ATRNL1: variants seen among roughly 807,000 people sequenced by gnomAD.
The protein encoded by ATRNL1 is attractin-like protein 1.
In ATRNL1, 95 loss-of-function variants were observed where a neutral mutation model predicts 182.7. The observed-to-expected ratio is 0.52, with a 90% CI of 0.44 to 0.62. The LOEUF (loss-of-function observed/expected upper bound fraction) is 0.62. Among genes scored for constraint, ATRNL1 ranks in the 20% least tolerant of loss-of-function variants. The probability of loss-of-function intolerance (pLI) is 0.00; values close to 1 mark genes in which losing one functional copy is unlikely to be tolerated. For missense variants in ATRNL1, 1,471 were observed against 1,679.5 expected, an observed-to-expected ratio of 0.88 and a Z score of 2.17; for synonymous variants, 576 against 568.3, an observed-to-expected ratio of 1.01 and a Z score of -0.19.
chr10:115,776,897 C>T (rs986155607), intron 27 of ATRNL1, among the ~76,000 whole-genome samples: 4 of 152,146 alleles, frequency 2.6e-5, no homozygotes, highest in South Asian at 4.1e-4. Context: ...CGGCTCACAC[C>T]TGTAATCCCA....
chr10:115,364,190 T>C (rs1282236632), intron 19 of ATRNL1, among the ~76,000 whole-genome samples: 1 of 140,290 alleles, frequency 7.1e-6, no homozygotes, highest in Non-Finnish European at 1.6e-5. Flanking sequence ...CCTCTTTTAT[T>C]TCCTTGAGCA....
intron 28 of ATRNL1, among the ~76,000 whole-genome samples, chr10:115,936,416 G>A (rs2134607987): frequency 6.6e-6 from 1 of 152,262 alleles, no homozygotes. Flanking sequence ...AGCAGTGCCT[G>A]GCATATAGTA....
At chr10:115,698,277 T>C (rs1946624897) in intron 26 of ATRNL1, among the ~76,000 whole-genome samples, 1 of 152,124 alleles carries the variant, frequency 6.6e-6, no homozygotes, top group African/African-American at 2.4e-5. Flanking sequence ...AAAAATCAAA[T>C]TAAGTCCAAG....
chr10:115,530,474 A>G (rs1311289845), intron 25 of ATRNL1, among the ~76,000 whole-genome samples: 1 of 152,188 alleles, frequency 6.6e-6, no homozygotes, highest in Non-Finnish European at 1.5e-5. Context: ...GAAAGATTAA[A>G]GGAATCTAAA....
intron 26 of ATRNL1, among the ~76,000 whole-genome samples, chr10:115,612,243 A>G (rs1309282012): frequency 6.6e-6 from 1 of 151,350 alleles, no homozygotes; most frequent in Non-Finnish European, 1.5e-5. Context: ...CAAGAGTGAA[A>G]CTCCATCTCA....
intron 27 of ATRNL1, among the ~76,000 whole-genome samples, chr10:115,755,862 A>G (rs1488547801): frequency 6.6e-6 from 1 of 152,096 alleles, no homozygotes; most frequent in Non-Finnish European, 1.5e-5. Context: ...TTATTGGTCT[A>G]TTCAGGGATT....
Position 115,862,192 on chromosome 10 carries a change from GTC to G in ATRNL1, c.4018+14205_4018+14206del, listed in dbSNP as rs1405197468. Among the ~76,000 whole-genome samples, 4 of 152,266 alleles carry G rather than the reference GTC, an allele frequency of 2.6e-5. No individual in the cohort carries two copies. The East Asian group carries it at 7.7e-4, about 29-fold the overall frequency. ...CTGAAATTTTTCAAGCACTTTGAAA[GTC>G]TCTTTTTAAAGCATTATTTGTTATT... On this transcript the variant is annotated intron_variant, in intron 28 of 28. Transcript: ENST00000355044.
At chr10:115,516,641 T>C (rs1432838168) in intron 24 of ATRNL1, among the ~76,000 whole-genome samples, 2 of 150,212 alleles carry the variant, frequency 1.3e-5, no homozygotes, top group African/African-American at 2.5e-5. Flanking sequence ...CAACGACCTA[T>C]GTGACTTGCT....
intron 21 of ATRNL1, among the ~76,000 whole-genome samples, chr10:115,445,130 G>A (rs913081299): frequency 1.3e-5 from 2 of 151,226 alleles, no homozygotes; most frequent in Non-Finnish European, 2.9e-5. Flanking sequence ...ATTTATTTCT[G>A]CTTAAGAGCA....
intron 27 of ATRNL1, among the ~76,000 whole-genome samples, chr10:115,798,142 C>T (rs1269788251): frequency 6.6e-6 from 1 of 152,146 alleles, no homozygotes; most frequent in Admixed American, 6.5e-5. Context: ...TGGTCTCGAT[C>T]TCCTGACCTT....
At chr10:115,290,418 G>C (rs1852840905) in intron 15 of ATRNL1, among the ~76,000 whole-genome samples, 1 of 152,142 alleles carries the variant, frequency 6.6e-6, no homozygotes, top group African/African-American at 2.4e-5. Flanking sequence ...ACTTTGGGAG[G>C]CTGAGGCGAA....
intron 19 of ATRNL1, among the ~76,000 whole-genome samples, chr10:115,370,736 A>G (rs1857350668): frequency 6.6e-6 from 1 of 152,250 alleles, no homozygotes; most frequent in Non-Finnish European, 1.5e-5. Flanking sequence ...AATATGATAG[A>G]AAAGAACATC....
At chr10:115,425,604 A>C (rs782221732) in intron 20 of ATRNL1, among the ~76,000 whole-genome samples, 3 of 152,042 alleles carry the variant, frequency 2.0e-5, no homozygotes, top group Non-Finnish European at 4.4e-5. Context: ...AGAGTACATG[A>C]GTATGGATGC....
Position 115,093,368 on chromosome 10 carries a change from T to TGGCGCGG in ATRNL1, c.-381_-375dup, listed in dbSNP as rs1489566822. ...GCGCGGCGCTCGGAGCCGAGGCAGT[T>TGGCGCGG]GGCGCGGGCCGCGGGCGAGGCGGGG... On this transcript the variant is annotated 5_prime_UTR_variant, in exon 1 of 29. Transcript: ENST00000355044. This position sits in a 1 kb window ranked among gnomAD's most constrained non-coding sequence, Gnocchi z 6.1. 3 of 159,412 alleles carry TGGCGCGG rather than the reference T, an allele frequency of 1.9e-5. No individual in the cohort carries two copies. The highest frequency in any genetic ancestry group is 7.4e-5 in the African/African-American group (3 of 40,800). 9.9% of individuals were successfully genotyped at this position (159,412 alleles called of 1,614,324 possible).
chr10:115,448,598 A>G (rs1160408171), intron 21 of ATRNL1, among the ~76,000 whole-genome samples: 1 of 152,132 alleles, frequency 6.6e-6, no homozygotes, highest in Non-Finnish European at 1.5e-5. Flanking sequence ...ACAACATAAC[A>G]TCACAACTGA....
At position 115,691,384 on chromosome 10, in the gene ATRNL1, C is replaced by T. The variant is rs138411790; in HGVS notation, c.3796-35864C>T. 1.2e-3 allele frequency among the ~76,000 whole-genome samples: 183 copies of T among 152,242 alleles called. 2 individuals are homozygous for T. In the East Asian group the frequency reaches 0.026, roughly 21 times the overall value. ...CCCTGATGGGTACTAAAGTTGAGCA[C>T]CTTTTCATATACATTTTGGCCATTT... On this transcript the variant is annotated intron_variant, in intron 26 of 28. Coordinates refer to ENST00000355044, the MANE Select transcript of ATRNL1 (RefSeq NM_207303.4).
At chr10:115,533,818 G>C (rs1195507277) in intron 25 of ATRNL1, among the ~76,000 whole-genome samples, 3 of 150,628 alleles carry the variant, frequency 2.0e-5, no homozygotes, top group Admixed American at 6.6e-5. Context: ...TGTTCTCGTT[G>C]GTTTCAAAAA....
intron 25 of ATRNL1, among the ~76,000 whole-genome samples, chr10:115,521,453 T>TA (rs1215480401): frequency 4.6e-4 from 70 of 152,092 alleles, no homozygotes; most frequent in African/African-American, 1.3e-3. Flanking sequence ...ATGCCTGGTC[T>TA]AAAAAAAACT....
At chr10:115,146,798 C>T (rs1845991570) in intron 5 of ATRNL1, among the ~76,000 whole-genome samples, 1 of 108,902 alleles carries the variant, frequency 9.2e-6, no homozygotes, top group Admixed American at 8.9e-5. Context: ...GACATGATTT[C>T]ATTCTTTTTT....
Sources: gnomAD v4.1 joint callset for allele counts (sites outside exome capture counted in the v4.1 genomes callset) on GRCh38, gnomAD v4.1.1 for gene constraint, Gnocchi (gnomAD v3.1) non-coding constraint, MANE v1.5 for transcripts, NCBI Gene and HGNC (gene_info 2026-07-23, HGNC 2026-07-21) for gene names.